VSTM4: variants seen among roughly 807,000 people sequenced by gnomAD.
VSTM4 encodes V-set and transmembrane domain-containing protein 4.
VSTM4 carries 20 observed loss-of-function variants against 36.4 expected under a neutral mutation model. The observed-to-expected ratio is 0.55, with a 90% CI of 0.39 to 0.80. VSTM4 has a LOEUF of 0.80. Among genes scored for constraint, VSTM4 ranks in the 30% least tolerant of loss-of-function variants. The pLI, the probability that VSTM4 is intolerant of heterozygous loss-of-function variation, is 0.00. For synonymous variants in VSTM4, 182 were observed against 173.9 expected, an observed-to-expected ratio of 1.05 and a Z score of -0.37; for missense variants, 392 against 404.5, an observed-to-expected ratio of 0.97 and a Z score of 0.26.
intron 5 of VSTM4, among the ~76,000 whole-genome samples, chr10:49,053,873 C>T (rs1211867121): frequency 6.6e-6 from 1 of 152,226 alleles, no homozygotes; most frequent in Non-Finnish European, 1.5e-5. Flanking sequence ...AGAGAGGCTG[C>T]ATTCCTGAGC....
intron 7 of VSTM4, among the ~76,000 whole-genome samples, chr10:49,023,093 C>T (rs1843206117): frequency 6.6e-6 from 1 of 152,202 alleles, no homozygotes. Context: ...ATTACTGCTA[C>T]AAGCAACAAC....
intron 7 of VSTM4, among the ~76,000 whole-genome samples, chr10:49,036,757 A>G (rs111661771): frequency 1.7e-3 from 253 of 152,352 alleles, no homozygotes; most frequent in African/African-American, 5.9e-3. Context: ...CTTCTTCCCA[A>G]CACCCAGCAG....
intron 5 of VSTM4, among the ~76,000 whole-genome samples, chr10:49,055,330 T>A: frequency 6.6e-6 from 1 of 152,188 alleles, no homozygotes; most frequent in South Asian, 2.1e-4. Flanking sequence ...AAGAAAGATG[T>A]CTGACACAGA....
intron 2 of VSTM4, among the ~76,000 whole-genome samples, chr10:49,093,047 G>C (rs990538533): frequency 3.9e-5 from 6 of 152,112 alleles, no homozygotes; most frequent in South Asian, 4.1e-4. Context: ...AAAACTTGGA[G>C]AATAAGATAT....
intron 2 of VSTM4, among the ~76,000 whole-genome samples, chr10:49,097,125 C>T (rs919146545): frequency 1.3e-5 from 2 of 152,198 alleles, no homozygotes; most frequent in South Asian, 4.1e-4. Flanking sequence ...CCTGTCTCAA[C>T]GCTTTCCACG....
intron 2 of VSTM4, among the ~76,000 whole-genome samples, chr10:49,093,787 G>A (rs1044685648): frequency 3.3e-5 from 4 of 122,968 alleles, no homozygotes; most frequent in African/African-American, 3.2e-5. Flanking sequence ...TTGCTTCGTC[G>A]CCCAGGCTGG....
At chr10:49,054,850 G>A (rs530209432) in intron 5 of VSTM4, among the ~76,000 whole-genome samples, 5 of 152,272 alleles carry the variant, frequency 3.3e-5, no homozygotes, top group Admixed American at 2.6e-4. Context: ...CTCTCTCTGG[G>A]ATGTGCAGGA....
intron 7 of VSTM4, among the ~76,000 whole-genome samples, chr10:49,021,791 G>T (rs1455809694): frequency 6.6e-6 from 1 of 152,154 alleles, no homozygotes; most frequent in Non-Finnish European, 1.5e-5. Flanking sequence ...CACTTAAATA[G>T]GTATCAGTAG....
intron 5 of VSTM4, among the ~76,000 whole-genome samples, chr10:49,056,565 G>T (rs1843783332): frequency 6.6e-6 from 1 of 152,224 alleles, no homozygotes; most frequent in African/African-American, 2.4e-5. Flanking sequence ...CATGTGGGCT[G>T]ACCCCTGCTG....
At chr10:49,050,421 G>T (rs1490631610) in intron 5 of VSTM4, among the ~76,000 whole-genome samples, 2 of 152,102 alleles carry the variant, frequency 1.3e-5, no homozygotes, top group African/African-American at 4.8e-5. Context: ...TAAGAGATAG[G>T]CTATTCTAAT....
intron 2 of VSTM4, chr10:49,103,037 T>C (rs1844697015): frequency 6.6e-6 from 1 of 152,514 alleles, no homozygotes; most frequent in Admixed American, 6.5e-5. Context: ...AATATAAATT[T>C]GTAAACTATT....
At chr10:49,020,110 G>A (rs1843159887) in intron 7 of VSTM4, among the ~76,000 whole-genome samples, 1 of 151,990 alleles carries the variant, frequency 6.6e-6, no homozygotes, top group Admixed American at 6.6e-5. Context: ...CTGATCAAAA[G>A]GGAAATATAA....
At chr10:49,051,527 C>A (rs1394113451) in intron 5 of VSTM4, among the ~76,000 whole-genome samples, 2 of 152,050 alleles carry the variant, frequency 1.3e-5, no homozygotes, top group African/African-American at 4.8e-5. Flanking sequence ...TCCCGAGTAC[C>A]GGGGATTACA....
chr10:49,065,977 G>C (rs141789005), intron 4 of VSTM4, among the ~76,000 whole-genome samples: 1 of 151,840 alleles, frequency 6.6e-6, no homozygotes, highest in Non-Finnish European at 1.5e-5. Context: ...AACAACCATA[G>C]TTAGTATTTA....
At chr10:49,071,093 A>G (rs912361022) in intron 4 of VSTM4, among the ~76,000 whole-genome samples, 7 of 152,214 alleles carry the variant, frequency 4.6e-5, no homozygotes, top group African/African-American at 1.7e-4. Context: ...GGTGTTTAAC[A>G]AGCCTTGGGA....
At chr10:49,076,961 C>G (rs1313033390) in intron 4 of VSTM4, among the ~76,000 whole-genome samples, 1 of 151,994 alleles carries the variant, frequency 6.6e-6, no homozygotes, top group Non-Finnish European at 1.5e-5. Context: ...ATGCCACAGA[C>G]TCTTCAGGGA....
At position 49,051,965 on chromosome 10, in the gene VSTM4, C is replaced by T. The variant is rs574124573; in HGVS notation, c.669-3381G>A. On this transcript the variant is annotated intron_variant, in intron 5 of 7. Transcript: ENST00000332853. ...TCTAAATTTTTCATATTTATATTCTCATACTATTCCAGTGAGGAAATAAGC... is the reference window on the plus strand; with the variant it reads ...TCTAAATTTTTCATATTTATATTCTTATACTATTCCAGTGAGGAAATAAGC... 2.8e-3 allele frequency among the ~76,000 whole-genome samples: 433 copies of T among 152,188 alleles called. 1 individual carries two copies. Among genetic ancestry groups the T allele is most frequent in the Admixed American group, 4.1e-3 (62 of 15,292 alleles).
chr10:49,054,520 G>A (rs1035347492), intron 5 of VSTM4, among the ~76,000 whole-genome samples: 4 of 152,304 alleles, frequency 2.6e-5, no homozygotes, highest in South Asian at 2.1e-4. Flanking sequence ...CCTGGAAATC[G>A]TCTGGAACAA....
chr10:49,090,226 C>T (rs185157246), intron 2 of VSTM4, among the ~76,000 whole-genome samples: 1 of 152,334 alleles, frequency 6.6e-6, no homozygotes, highest in African/African-American at 2.4e-5. Context: ...AGGCTGGAGC[C>T]TTAAGCAAGA....
Sources: allele counts gnomAD v4.1 joint callset (sites outside exome capture counted in the v4.1 genomes callset), GRCh38; gene constraint gnomAD v4.1.1; transcripts MANE v1.5; gene names NCBI Gene and HGNC (gene_info 2026-07-23, HGNC 2026-07-21).